The following VGLL3 variants were observed in gnomAD, a reference collection of about 807,000 sequenced individuals.
The protein encoded by VGLL3 is transcription cofactor vestigial-like protein 3.
VGLL3 carries 18 observed loss-of-function variants against 29.2 expected under a neutral mutation model. The observed-to-expected ratio is 0.62, with a 90% confidence interval of 0.43 to 0.91. The LOEUF is 0.91. Among genes scored for constraint, VGLL3 ranks in the 40% least tolerant of loss-of-function variants. VGLL3 has a pLI of 0.00. For synonymous variants in VGLL3, 180 were observed against 151.8 expected (o/e 1.19, Z -1.36); for missense variants, 440 against 413.2 (o/e 1.06, Z -0.56).
At chr3:86,962,312 G>C (rs1431920166) in intron 3 of VGLL3, 2 of 985,278 alleles carry the variant, frequency 2.0e-6, no homozygotes, top group East Asian at 2.3e-4. Context: ...CCAAGACAGA[G>C]GTTAGAGGAA....
At chr3:86,972,803 C>T (rs1233332891) in intron 2 of VGLL3, among the ~76,000 whole-genome samples, 2 of 152,150 alleles carry the variant, frequency 1.3e-5, no homozygotes, top group African/African-American at 2.4e-5. Context: ...TTGACACTGA[C>T]AGTCTAACAC....
chr3:86,942,256 C>T lies in VGLL3; in HGVS notation c.*4768G>A, dbSNP rs1189945963. On this transcript the variant is annotated 3_prime_UTR_variant, in exon 4 of 4. Transcript: ENST00000398399. ...TCTGATCCCATACAGTTTCTGCTGT[C>T]TTTCCCTTGGCTGCAAAGGTGATCA... is the stretch of plus-strand genomic sequence containing the variant. 1 of 152,156 alleles carries T rather than the reference C, an allele frequency of 6.6e-6. No homozygotes were observed. The highest frequency in any genetic ancestry group is 2.4e-5 in the African/African-American group (1 of 41,448). 9.4% of individuals were successfully genotyped at this position (152,156 alleles called of 1,614,324 possible). A position where few individuals can be genotyped will look rare whatever the true frequency, so the allele number is the denominator to read the frequency against.
chr3:86,971,897 G>C (rs947903705), intron 2 of VGLL3, among the ~76,000 whole-genome samples: 1 of 152,126 alleles, frequency 6.6e-6, no homozygotes, highest in Non-Finnish European at 1.5e-5. Flanking sequence ...TGGGACCAAA[G>C]CCTTCATTCT....
rs1283266102 is a variant in VGLL3 at position 86,939,835 on chromosome 3, T to C, written c.*7189A>G. On this transcript the variant is annotated 3_prime_UTR_variant, in exon 4 of 4. Coordinates refer to ENST00000398399, the MANE Select transcript of VGLL3 (RefSeq NM_016206.4). ...GATGGAAGGAAACTAAGCAAAGGACTCTAGAAGCAGGGAACAGCAAGATTC... is the reference window on the plus strand; with the variant it reads ...GATGGAAGGAAACTAAGCAAAGGACCCTAGAAGCAGGGAACAGCAAGATTC... The C allele has an allele frequency of 6.6e-6, 1 of 152,124 alleles. No individual in the cohort carries two copies. Among genetic ancestry groups the C allele is most frequent in the African/African-American group, 2.4e-5 (1 of 41,416 alleles). The allele number at this position is 152,124 out of a possible 1,614,324, so 9.4% of individuals were successfully genotyped here.
chr3:86,944,930 C>T lies in VGLL3; in HGVS notation c.*2094G>A, dbSNP rs937848006. 5 of 152,082 alleles carry T rather than the reference C, an allele frequency of 3.3e-5. No homozygotes were observed. The highest frequency in any genetic ancestry group is 1.2e-4 in the African/African-American group (5 of 41,402). 9.4% of individuals were successfully genotyped at this position (152,082 alleles called of 1,614,324 possible). ...TCACACAGGGACTGTTGAATACTTG[C>T]CTTTGAAAACTCAGAAGGACACAAG... On this transcript the variant is annotated 3_prime_UTR_variant, in exon 4 of 4. Transcript: ENST00000398399.
rs1357086931 is a variant in VGLL3, at chr3:86,990,386, C to T, written c.126+232G>A. 5 of 985,140 alleles carry T rather than the reference C, an allele frequency of 5.1e-6. No individual in the cohort carries two copies. The African/African-American group carries it at 8.7e-5, about 17-fold the overall frequency. 61.0% of individuals were successfully genotyped at this position (985,140 alleles called of 1,614,324 possible). ...CCTAGGAGGAGCAGCCTCTGAGCTC[C>T]GGTGACCACAGCTCAATGAAGCCCC... On this transcript the variant is annotated intron_variant, in intron 1 of 3. Coordinates refer to ENST00000398399, the MANE Select transcript of VGLL3 (RefSeq NM_016206.4).
chr3:86,949,793 C>G (rs1369849269), intron 3 of VGLL3, among the ~76,000 whole-genome samples: 2 of 145,068 alleles, frequency 1.4e-5, no homozygotes, highest in Non-Finnish European at 1.5e-5. Flanking sequence ...TGCCACTGCA[C>G]TCCAGCCTGG....
chr3:86,955,380 C>CTTT (rs67190879), intron 3 of VGLL3, among the ~76,000 whole-genome samples: 66 of 131,692 alleles, frequency 5.0e-4, no homozygotes, highest in African/African-American at 7.9e-4. Context: ...CTCTCTCTCT[C>CTTT]TTTTTTTTTT....
chr3:86,990,576 C>A, intron 1 of VGLL3, 42 bp downstream of exon 1: 1 of 1,315,350 alleles, frequency 7.6e-7, no homozygotes, highest in Non-Finnish European at 9.8e-7. Flanking sequence ...TCTCGATGCC[C>A]TTCGCCCCCG....
At chr3:86,958,798 C>T (rs1704778403) in intron 3 of VGLL3, among the ~76,000 whole-genome samples, 1 of 152,096 alleles carries the variant, frequency 6.6e-6, no homozygotes, top group Non-Finnish European at 1.5e-5. Context: ...CCCTTCTGGT[C>T]ATGAAATTGT....
intron 3 of VGLL3, among the ~76,000 whole-genome samples, chr3:86,956,792 CAA>C (rs55781336): frequency 0.29 from 26,222 of 90,804 alleles, 2,544 homozygotes; most frequent in South Asian, 0.36. Flanking sequence ...CCCACCGTCC[CAA>C]AAAAAAAAAA....
At chr3:86,947,612 C>T (rs2340475) in intron 3 of VGLL3, among the ~76,000 whole-genome samples, 88,111 of 151,916 alleles carry the variant, frequency 0.58, 25,937 homozygotes, top group Middle Eastern at 0.67. Flanking sequence ...AAAATAAACA[C>T]AGTTGGTTCA....
chr3:86,982,854 C>T (rs1836918), intron 1 of VGLL3, among the ~76,000 whole-genome samples: 88,684 of 152,062 alleles, frequency 0.58, 29,466 homozygotes, highest in Non-Finnish European at 0.73. Flanking sequence ...ATTTTTCCCT[C>T]GGTAAAATGA....
intron 3 of VGLL3, among the ~76,000 whole-genome samples, chr3:86,964,373 T>C (rs1704916948): frequency 6.6e-6 from 1 of 152,246 alleles, no homozygotes; most frequent in Non-Finnish European, 1.5e-5. Context: ...TATAAAACTT[T>C]CGTTTGTCAC....
At position 86,948,703 on chromosome 3, in the gene VGLL3, ACC is replaced by A. The variant is rs1224174179; in HGVS notation, c.938-1638_938-1637del. ...TCCTGAATGCCAAAAGATTGGCTCC[ACC>A]TTTTTCTTTTTACCACAAGCATACT... On this transcript the variant is annotated intron_variant, in intron 3 of 3. Coordinates refer to ENST00000398399, the MANE Select transcript of VGLL3 (RefSeq NM_016206.4). 2.0e-4 allele frequency among the ~76,000 whole-genome samples: 31 copies of A among 152,168 alleles called. 1 individual carries two copies. The highest frequency in any genetic ancestry group is 2.1e-4 in the Non-Finnish European group (14 of 68,020).
intron 1 of VGLL3, 26 bp from the exon 2 acceptor site, chr3:86,978,828 T>C: frequency 1.3e-6 from 2 of 1,539,588 alleles, no homozygotes; most frequent in Non-Finnish European, 8.7e-7. Context: ...CAAAACACAG[T>C]ATCAAAGACA....
intron 2 of VGLL3, among the ~76,000 whole-genome samples, chr3:86,976,094 A>T (rs1440668994): frequency 6.6e-6 from 1 of 152,076 alleles, no homozygotes; most frequent in Non-Finnish European, 1.5e-5. Context: ...AGCCTGGGTG[A>T]CAAGAGCGAA....
At position 86,991,021 on chromosome 3, in the gene VGLL3, C is replaced by G; in HGVS notation, c.-278G>C. On this transcript the variant is annotated 5_prime_UTR_variant, in exon 1 of 4. Transcript: ENST00000398399. Reference sequence around the variant, plus strand: ...AGCGGCTCAGGGACGCAGCCGCCCGCTGCGCCGCTGGGGCATTACCGCGTC... The same window carrying G: ...AGCGGCTCAGGGACGCAGCCGCCCGGTGCGCCGCTGGGGCATTACCGCGTC... The G allele has an allele frequency of 2.4e-6, 2 of 826,212 alleles. No homozygotes were observed. The highest frequency in any genetic ancestry group is 2.9e-6 in the Non-Finnish European group (2 of 678,798). 51.2% of individuals were successfully genotyped at this position (826,212 alleles called of 1,614,324 possible).
chr3:86,949,166 T>C (rs1373539773), intron 3 of VGLL3, among the ~76,000 whole-genome samples: 1 of 152,180 alleles, frequency 6.6e-6, no homozygotes, highest in Non-Finnish European at 1.5e-5. Flanking sequence ...TGCAAAGACA[T>C]ATGACTATTT....
Sources: allele counts gnomAD v4.1 joint callset (sites outside exome capture counted in the v4.1 genomes callset), GRCh38; gene constraint gnomAD v4.1.1; transcripts MANE v1.5; gene names NCBI Gene and HGNC (gene_info 2026-07-23, HGNC 2026-07-21).